HHIPL1: variants seen among roughly 807,000 people sequenced by gnomAD.
HHIPL1 encodes the protein HHIP-like protein 1.
Under a neutral mutation model 61.8 loss-of-function variants are expected in HHIPL1, and 43 were observed. The observed-to-expected ratio is 0.70, with a 90% CI of 0.55 to 0.90. The LOEUF (loss-of-function observed/expected upper bound fraction) is 0.90, where lower values mean the gene tolerates loss of function less well. Among genes scored for constraint, HHIPL1 ranks in the 40% least tolerant of loss-of-function variants. HHIPL1 has a pLI of 0.00. For missense variants in HHIPL1, 1,056 were observed against 1,157.7 expected (o/e 0.91, Z 1.28); for synonymous variants, 482 against 515.8 (o/e 0.93, Z 0.89).
At chr14:99,661,876 T>C (rs2056158757) in intron 5 of HHIPL1, among the ~76,000 whole-genome samples, 1 of 152,072 alleles carries the variant, frequency 6.6e-6, no homozygotes, top group South Asian at 2.1e-4. Context: ...AGAATTCTGA[T>C]TTTGTGTCCA....
intron 7 of HHIPL1, among the ~76,000 whole-genome samples, chr14:99,671,267 T>C (rs2056323697): frequency 6.6e-6 from 1 of 152,246 alleles, no homozygotes; most frequent in African/African-American, 2.4e-5. Context: ...TTGGGGTGGA[T>C]ATCCTACCCT....
chr14:99,615,096 G>A, the HHIPL1 span, among the ~76,000 whole-genome samples: 1 of 152,102 alleles, frequency 6.6e-6, no homozygotes, highest in African/African-American at 2.4e-5. Flanking sequence ...CCAAAAACTA[G>A]AAGGTCATGA....
At chr14:99,612,504 T>C in the HHIPL1 span, among the ~76,000 whole-genome samples, 1 of 152,218 alleles carries the variant, frequency 6.6e-6, no homozygotes, top group Non-Finnish European at 1.5e-5. Context: ...ATTAATCAAA[T>C]TGATGCTTTC....
chr14:99,666,549 T>G (rs1029349313), intron 6 of HHIPL1, among the ~76,000 whole-genome samples: 1 of 152,210 alleles, frequency 6.6e-6, no homozygotes, highest in Admixed American at 6.5e-5. Flanking sequence ...GCCTGGCCCC[T>G]GGACACCTCC....
chr14:99,645,609 C>T (rs1023026055), intron 1 of HHIPL1, 147 bp downstream of exon 1: 8 of 892,406 alleles, frequency 9.0e-6, no homozygotes, highest in Non-Finnish European at 1.2e-5. Context: ...TGGCACGGGG[C>T]GGGGAGACCG....
At chr14:99,663,409 A>G (rs1292903864) in intron 6 of HHIPL1, among the ~76,000 whole-genome samples, 6 of 152,182 alleles carry the variant, frequency 3.9e-5, no homozygotes, top group Non-Finnish European at 8.8e-5. Context: ...TTTGGACCAT[A>G]TAGGGTAACT....
Position 99,672,220 on chromosome 14 carries a change from T to C in HHIPL1, c.1731-97T>C, listed in dbSNP as rs1477318830. ...TGCATGGTGAATGGCCGCCTGTTAC[T>C]ATCGTTGCTGTTCATACCTGCCTCA... On this transcript the variant is annotated intron_variant, in intron 7 of 8. Coordinates refer to ENST00000330710, the MANE Select transcript of HHIPL1 (RefSeq NM_001127258.3). The C allele has an allele frequency of 9.1e-6, 8 of 879,428 alleles. No homozygotes were observed. In the East Asian group the frequency reaches 1.9e-4, roughly 21 times the overall value. 54.5% of individuals were successfully genotyped at this position (879,428 alleles called of 1,614,324 possible).
intron 2 of HHIPL1, among the ~76,000 whole-genome samples, chr14:99,653,082 T>C (rs2055967140): frequency 6.6e-6 from 1 of 152,228 alleles, no homozygotes; most frequent in Non-Finnish European, 1.5e-5. Flanking sequence ...ATCTGGCCTG[T>C]GAGGCCTGAC....
rs2056417733 is a variant in HHIPL1, at chr14:99,679,228, G to C, written c.*3602G>C. On this transcript the variant is annotated 3_prime_UTR_variant, in exon 9 of 9. Coordinates refer to ENST00000330710, the MANE Select transcript of HHIPL1 (RefSeq NM_001127258.3). ...AGTTCAGAGAAGGGCAGAGCTGGCT[G>C]CCTGTCCAGTGCTTCTTTCACTCCA... The C allele has an allele frequency of 6.6e-6, 1 of 152,296 alleles. No individual in the cohort carries two copies. The highest frequency in any genetic ancestry group is 1.5e-5 in the Non-Finnish European group (1 of 68,084). The allele number at this position is 152,296 out of a possible 1,614,324, so 9.4% of individuals were successfully genotyped here.
At chr14:99,627,126 A>T in the HHIPL1 span, among the ~76,000 whole-genome samples, 1 of 151,838 alleles carries the variant, frequency 6.6e-6, no homozygotes, top group African/African-American at 2.4e-5. The surrounding 1 kb of genome is among the most constrained non-coding windows in gnomAD (Gnocchi z 4.4). Context: ...CCATCCATCC[A>T]TCCACCCACC....
rs1439682866 is a variant in HHIPL1 at position 99,675,556 on chromosome 14, T to C, written c.2279T>C (p.Val760Ala). The C allele has an allele frequency of 3.2e-6, 5 of 1,538,944 alleles. No homozygotes were observed. The African/African-American group carries it at 4.1e-5, about 13-fold the overall frequency. The change falls in exon 9 of 9, where the codon GTG becomes GCG. Residue 760 changes from valine to alanine, a missense_variant. By Grantham distance (64) the Val-to-Ala change is moderately conservative (BLOSUM62 0). Coordinates refer to ENST00000330710, the MANE Select transcript of HHIPL1 (RefSeq NM_001127258.3). The surrounding 1 kb of genome is among the most constrained non-coding windows in gnomAD (Gnocchi z 5.4). ...RNLLECQHNG[V>A]GTHNCEHDED... ...CTGCTGGAGTGCCAGCACAACGGCG[T>C]GGGCACCCACAACTGCGAGCACGAC... is the stretch of plus-strand genomic sequence containing the variant.
chr14:99,663,795 G>A (rs1000577003), intron 6 of HHIPL1, among the ~76,000 whole-genome samples: 2 of 152,078 alleles, frequency 1.3e-5, no homozygotes, highest in African/African-American at 4.8e-5. Flanking sequence ...CCTCACCCTG[G>A]GTAAGGTTGC....
intron 3 of HHIPL1, among the ~76,000 whole-genome samples, chr14:99,658,495 G>C (rs2056087906): frequency 1.3e-5 from 2 of 152,140 alleles, no homozygotes; most frequent in Non-Finnish European, 2.9e-5. Context: ...GGAAAGGTGT[G>C]GGTGCTAACG....
intron 3 of HHIPL1, among the ~76,000 whole-genome samples, chr14:99,657,385 G>A (rs1225503584): frequency 6.6e-6 from 1 of 152,220 alleles, no homozygotes; most frequent in Non-Finnish European, 1.5e-5. Context: ...AATCATGGCT[G>A]CTCAGGGCCT....
chr14:99,631,058 TTC>T, the HHIPL1 span, among the ~76,000 whole-genome samples: 1 of 105,262 alleles, frequency 9.5e-6, no homozygotes, highest in Non-Finnish European at 2.0e-5. Context: ...TTTTCTTTCT[TTC>T]TTTCTTTCTT....
chr14:99,610,418 T>C, the HHIPL1 span, among the ~76,000 whole-genome samples: 1 of 152,156 alleles, frequency 6.6e-6, no homozygotes, highest in African/African-American at 2.4e-5. Flanking sequence ...ATCTCAGTGT[T>C]GTGTTGGTTA....
At chr14:99,636,992 GAAAGAAA>G in the HHIPL1 span, among the ~76,000 whole-genome samples, 4 of 72,404 alleles carry the variant, frequency 5.5e-5, no homozygotes, top group Non-Finnish European at 1.1e-4. Context: ...AAAGAAAGAA[GAAAGAAA>G]GAAGAAAGAA....
chr14:99,622,630 C>T, the HHIPL1 span, among the ~76,000 whole-genome samples: 1 of 152,196 alleles, frequency 6.6e-6, no homozygotes, highest in Non-Finnish European at 1.5e-5. Flanking sequence ...ATGGTAGCAA[C>T]ATACTGTGCT....
the HHIPL1 span, among the ~76,000 whole-genome samples, chr14:99,634,071 G>A: frequency 6.6e-6 from 1 of 152,222 alleles, no homozygotes; most frequent in Non-Finnish European, 1.5e-5. Flanking sequence ...GCTGCAGAGC[G>A]TTTCTGCAGA....
Sources: gnomAD v4.1 joint callset for allele counts (sites outside exome capture counted in the v4.1 genomes callset) on GRCh38, gnomAD v4.1.1 for gene constraint, Gnocchi (gnomAD v3.1) non-coding constraint, MANE v1.5 for transcripts, NCBI Gene and HGNC (gene_info 2026-07-23, HGNC 2026-07-21) for gene names.